The following PTCHD4 variants were observed in gnomAD, a reference collection of about 807,000 sequenced individuals.
PTCHD4 encodes the protein patched domain containing 4.
In PTCHD4, 33 loss-of-function variants were observed where a neutral mutation model predicts 58.1. That is an observed-to-expected ratio of 0.57 (90% CI 0.43 to 0.76). The LOEUF (loss-of-function observed/expected upper bound fraction) is 0.76, where lower values mean the gene tolerates loss of function less well. Ranked by LOEUF, PTCHD4 falls within the 30% of genes least tolerant of loss-of-function variation. The probability of loss-of-function intolerance (pLI) is 0.00; values close to 1 mark genes in which losing one functional copy is unlikely to be tolerated. For missense variants in PTCHD4, 1,058 were observed against 1,027.1 expected, an observed-to-expected ratio of 1.03 and a Z score of -0.41; for synonymous variants, 478 against 409.6, an observed-to-expected ratio of 1.17 and a Z score of -2.02.
chr6:48,012,905 G>T (rs760682440), intron 3 of PTCHD4, among the ~76,000 whole-genome samples: 21 of 152,200 alleles, frequency 1.4e-4, no homozygotes, highest in Non-Finnish European at 2.4e-4. Flanking sequence ...AACTAGCCTT[G>T]CATCCCAGGG....
chr6:48,094,548 T>C (rs1201613985), intron 1 of PTCHD4, among the ~76,000 whole-genome samples: 1 of 152,190 alleles, frequency 6.6e-6, no homozygotes, highest in Non-Finnish European at 1.5e-5. Context: ...CATTAGAAGA[T>C]ATATGGATTT....
rs750512197 is a variant in PTCHD4 at position 47,878,299 on chromosome 6, C to A, written c.*4G>T. On this transcript the variant is annotated 3_prime_UTR_variant, in exon 5 of 5. Transcript: ENST00000339488. ...AAGAAAAATAATCCACTGGTCTATA[C>A]CCCTCATACTGTGGTGACGTGATCC... is the stretch of plus-strand genomic sequence containing the variant. The A allele has an allele frequency of 6.3e-7, 1 of 1,578,362 alleles. No individual in the cohort carries two copies. Among genetic ancestry groups the A allele is most frequent in the Admixed American group, 1.8e-5 (1 of 55,898 alleles).
chr6:48,028,660 A>G (rs184653519), intron 3 of PTCHD4, among the ~76,000 whole-genome samples: 1 of 152,200 alleles, frequency 6.6e-6, no homozygotes, highest in East Asian at 1.9e-4. Flanking sequence ...CTTCCTATAA[A>G]TCAAAGATTT....
At chr6:48,070,683 T>C (rs963124002) in intron 1 of PTCHD4, among the ~76,000 whole-genome samples, 15 of 152,230 alleles carry the variant, frequency 9.9e-5, no homozygotes, top group African/African-American at 3.6e-4. Context: ...CATTCTATTG[T>C]TACACTGCCT....
chr6:48,021,148 T>C (rs956326118), intron 3 of PTCHD4, among the ~76,000 whole-genome samples: 1 of 152,156 alleles, frequency 6.6e-6, no homozygotes, highest in Non-Finnish European at 1.5e-5. Context: ...ATAAAATCTA[T>C]ATTTTCTTTA....
rs899887945 is a variant in PTCHD4, at chr6:47,872,487, C to G, written c.*5816G>C. On this transcript the variant is annotated 3_prime_UTR_variant, in exon 5 of 5. Coordinates refer to ENST00000339488, the MANE Select transcript of PTCHD4 (RefSeq NM_001384253.1). ...TACAAATGGCTTCTAAAAACCTCAG[C>G]TCAGATAAGTGCAATGAAATCATAC... Among the ~76,000 whole-genome samples, 1 of 151,644 alleles carries G rather than the reference C, an allele frequency of 6.6e-6. No individual in the cohort carries two copies. The highest frequency in any genetic ancestry group is 1.5e-5 in the Non-Finnish European group (1 of 67,754).
Position 47,858,235 on chromosome 6 carries a change from C to A in PTCHD4, c.*20068G>T, listed in dbSNP as rs1763342606. On this transcript the variant is annotated 3_prime_UTR_variant, in exon 5 of 5. Transcript: ENST00000339488. ...TACTTGATTTTATAGCAGGCACCCC[C>A]AATTTTGGATTCAGGGGCAGACATA... Among the ~76,000 whole-genome samples, 1 of 151,932 alleles carries A rather than the reference C, an allele frequency of 6.6e-6. No individual in the cohort carries two copies. Among genetic ancestry groups the A allele is most frequent in the Non-Finnish European group, 1.5e-5 (1 of 67,938 alleles).
chr6:48,065,863 A>G (rs1764775598), intron 3 of PTCHD4, among the ~76,000 whole-genome samples: 1 of 152,216 alleles, frequency 6.6e-6, no homozygotes, highest in African/African-American at 2.4e-5. Context: ...AACTTTAGCT[A>G]ATGTGTAACA....
At chr6:47,959,309 G>A (rs531399734) in intron 4 of PTCHD4, among the ~76,000 whole-genome samples, 1 of 152,060 alleles carries the variant, frequency 6.6e-6, no homozygotes, top group Non-Finnish European at 1.5e-5. Context: ...TAGGATTAAG[G>A]GCTGATTAGA....
Position 48,090,537 on chromosome 6 carries a change from G to T in PTCHD4, c.-970+20512C>A, listed in dbSNP as rs190014279. 2.1e-3 allele frequency among the ~76,000 whole-genome samples: 320 copies of T among 152,198 alleles called. 1 individual carries two copies. The highest frequency in any genetic ancestry group is 6.6e-3 in the African/African-American group (272 of 41,524). On this transcript the variant is annotated intron_variant, in intron 1 of 4. Transcript: ENST00000339488. ...ATATCTGTGCCAGGATTTTAACTGA[G>T]ACCTGCCTAATTCCAAAGCCTATGA... is the stretch of plus-strand genomic sequence containing the variant.
At chr6:48,060,659 G>A (rs1764593899) in intron 3 of PTCHD4, among the ~76,000 whole-genome samples, 1 of 152,104 alleles carries the variant, frequency 6.6e-6, no homozygotes. Context: ...TTTTTTCATA[G>A]AGATGGGGTT....
chr6:47,893,219 C>A (rs1764433281), intron 4 of PTCHD4, among the ~76,000 whole-genome samples: 1 of 152,084 alleles, frequency 6.6e-6, no homozygotes, highest in African/African-American at 2.4e-5. Context: ...CCATGTTGAC[C>A]AGGATGGTTT....
At chr6:47,950,963 T>C (rs114637347) in intron 4 of PTCHD4, among the ~76,000 whole-genome samples, 7,327 of 152,232 alleles carry the variant, frequency 0.048, 209 homozygotes, top group African/African-American at 0.063. Flanking sequence ...AGTGAGTTCA[T>C]TGGTGACCTT....
intron 4 of PTCHD4, among the ~76,000 whole-genome samples, chr6:47,960,658 A>G (rs1049890761): frequency 6.6e-6 from 1 of 152,090 alleles, no homozygotes; most frequent in African/African-American, 2.4e-5. Context: ...TTAGAAAAAC[A>G]TAATAATCCT....
chr6:48,068,426 C>G lies in PTCHD4; in HGVS notation c.221G>C (p.Ser74Thr). 6.2e-7 allele frequency: 1 copy of G among 1,613,922 alleles called. No homozygotes were observed. Among genetic ancestry groups the G allele is most frequent in the Non-Finnish European group, 8.5e-7 (1 of 1,179,878 alleles). Reference protein sequence around the residue: ...EGDLERLVAPSHSLAKIERSL... With the variant: ...EGDLERLVAPTHSLAKIERSL... ...GCGCTCGATCTTGGCCAGGCTGTGG[C>G]TGGGAGCGACCAGGCGCTCCAGGTC... The change falls in exon 3 of 5, where the codon AGC (serine) becomes ACC (threonine). Residue 74 changes from serine (S) to threonine (T), a missense_variant. By Grantham distance (58) the Ser-to-Thr change is moderately conservative. Transcript: ENST00000339488. This position sits in a 1 kb window ranked among gnomAD's most constrained non-coding sequence, Gnocchi z 4.2.
At chr6:47,964,447 T>C (rs1408620723) in intron 4 of PTCHD4, among the ~76,000 whole-genome samples, 1 of 152,124 alleles carries the variant, frequency 6.6e-6, no homozygotes, top group Non-Finnish European at 1.5e-5. Flanking sequence ...GATACACAGA[T>C]CCCTTTTGCT....
intron 4 of PTCHD4, among the ~76,000 whole-genome samples, chr6:48,006,221 C>T (rs1474219470): frequency 1.3e-5 from 2 of 152,166 alleles, no homozygotes; most frequent in Non-Finnish European, 2.9e-5. Flanking sequence ...TTCTAAAAGT[C>T]ACTGGGAGAG....
At chr6:48,012,083 A>G (rs1216946943) in intron 3 of PTCHD4, among the ~76,000 whole-genome samples, 1 of 152,194 alleles carries the variant, frequency 6.6e-6, no homozygotes, top group African/African-American at 2.4e-5. Context: ...TGAACTTTAA[A>G]GTAGTTTTCT....
At chr6:47,920,503 A>G (rs1439152294) in intron 4 of PTCHD4, among the ~76,000 whole-genome samples, 3 of 152,170 alleles carry the variant, frequency 2.0e-5, no homozygotes, top group Non-Finnish European at 4.4e-5. Context: ...GCATGCATGA[A>G]TCTGTATCCC....
Sources: allele counts gnomAD v4.1 joint callset (sites outside exome capture counted in the v4.1 genomes callset), GRCh38; gene constraint gnomAD v4.1.1; non-coding constraint Gnocchi (gnomAD v3.1); transcripts MANE v1.5; gene names NCBI Gene and HGNC (gene_info 2026-07-23, HGNC 2026-07-21).